Variants in DEPTOR observed in about 807,000 individuals in gnomAD.
The protein encoded by DEPTOR is DEP domain containing MTOR interacting protein, also known as DEP domain-containing mTOR-interacting protein.
In DEPTOR, 41 loss-of-function variants were observed where a neutral mutation model predicts 41.6. The ratio of observed to expected loss-of-function variants is 0.98; its 90% confidence interval spans 0.77 to 1.28. The LOEUF (loss-of-function observed/expected upper bound fraction) is 1.28, where lower values mean the gene tolerates loss of function less well. DEPTOR is among the 50% of genes most tolerant of loss of function. DEPTOR has a pLI of 0.00. For synonymous variants in DEPTOR, 195 were observed against 192.3 expected, an observed-to-expected ratio of 1.01 and a Z score of -0.12; for missense variants, 514 against 527.9, an observed-to-expected ratio of 0.97 and a Z score of 0.26.
At chr8:120,000,635 G>C (rs1174765616) in intron 4 of DEPTOR, among the ~76,000 whole-genome samples, 1 of 151,734 alleles carries the variant, frequency 6.6e-6, no homozygotes, top group Non-Finnish European at 1.5e-5. Flanking sequence ...GCGAATTATT[G>C]TATTTTTAGT....
At chr8:119,930,164 A>G (rs1446878500) in intron 3 of DEPTOR, among the ~76,000 whole-genome samples, 1 of 152,296 alleles carries the variant, frequency 6.6e-6, no homozygotes, top group Non-Finnish European at 1.5e-5. Context: ...TATTTTCTGT[A>G]TTTAAGTTGA....
At chr8:120,029,676 G>A (rs1054728175) in intron 8 of DEPTOR, among the ~76,000 whole-genome samples, 3 of 152,120 alleles carry the variant, frequency 2.0e-5, no homozygotes, top group African/African-American at 2.4e-5. Flanking sequence ...GATTACAGGC[G>A]TGAGCCACCG....
At chr8:120,001,438 C>T (rs979779263) in intron 4 of DEPTOR, 87 bp from the exon 5 acceptor site, 22 of 1,209,474 alleles carry the variant, frequency 1.8e-5, no homozygotes, top group East Asian at 2.5e-5. Context: ...AGACTTTTGC[C>T]GCTGTTGCCT....
chr8:119,999,535 G>A (rs1217308209), intron 4 of DEPTOR, among the ~76,000 whole-genome samples: 4 of 151,944 alleles, frequency 2.6e-5, no homozygotes, highest in African/African-American at 9.6e-5. Context: ...GAGGCAGGAG[G>A]ATCACTTGAG....
At chr8:119,938,887 CTCTCTT>C (rs557805216) in intron 3 of DEPTOR, among the ~76,000 whole-genome samples, 1 of 146,210 alleles carries the variant, frequency 6.8e-6, no homozygotes, top group African/African-American at 2.5e-5. Flanking sequence ...TCCCCTCTCT[CTCTCTT>C]TCTCTTTCTC....
At chr8:120,047,064 C>A (rs192950774) in intron 8 of DEPTOR, among the ~76,000 whole-genome samples, 59 of 152,228 alleles carry the variant, frequency 3.9e-4, no homozygotes, top group African/African-American at 1.3e-3. Context: ...TGCTTTGTTG[C>A]CCAGGCTAGA....
At chr8:120,038,936 T>G (rs1813019029) in intron 8 of DEPTOR, among the ~76,000 whole-genome samples, 1 of 152,242 alleles carries the variant, frequency 6.6e-6, no homozygotes, top group African/African-American at 2.4e-5. Context: ...TGGAAAATTG[T>G]TAGATGTTCT....
intron 8 of DEPTOR, among the ~76,000 whole-genome samples, chr8:120,040,674 A>G (rs1329530311): frequency 6.6e-6 from 1 of 152,224 alleles, no homozygotes. Flanking sequence ...CCAAAAATGC[A>G]TAGCTAGAAC....
intron 3 of DEPTOR, among the ~76,000 whole-genome samples, chr8:119,953,757 G>A (rs1828383145): frequency 6.6e-6 from 1 of 151,702 alleles, no homozygotes; most frequent in Non-Finnish European, 1.5e-5. Flanking sequence ...CTCTGGAATG[G>A]GGGTCTTATG....
intron 1 of DEPTOR, among the ~76,000 whole-genome samples, chr8:119,919,492 A>G (rs1372001381): frequency 6.6e-6 from 1 of 152,216 alleles, no homozygotes; most frequent in Admixed American, 6.5e-5. Context: ...ATAATTTAAA[A>G]TCTGAATTAG....
chr8:119,884,031 C>G (rs1050003058), intron 1 of DEPTOR, among the ~76,000 whole-genome samples: 1 of 152,200 alleles, frequency 6.6e-6, no homozygotes, highest in Non-Finnish European at 1.5e-5. Flanking sequence ...GCCATTCTCT[C>G]ATTGCATGCC....
rs150669778 is a variant in DEPTOR at position 119,919,370 on chromosome 8, C to T, written c.123-9030C>T. ...GCTTCAGCAATGATCAGTTCATTGC[C>T]AGTTAACCCAGCTTTAATAATTGTC... On this transcript the variant is annotated intron_variant, in intron 1 of 8. Transcript: ENST00000286234. 2.5e-3 allele frequency among the ~76,000 whole-genome samples: 385 copies of T among 152,120 alleles called. 3 individuals are homozygous for T. Among genetic ancestry groups the T allele is most frequent in the African/African-American group, 8.6e-3 (355 of 41,494 alleles).
chr8:119,959,158 CTT>C (rs60202859), intron 3 of DEPTOR, among the ~76,000 whole-genome samples: 4 of 114,870 alleles, frequency 3.5e-5, no homozygotes, highest in African/African-American at 3.4e-5. Context: ...TTCTTTCTTT[CTT>C]TTTTTTTTTT....
chr8:120,019,315 T>G (rs1586660407), intron 8 of DEPTOR, among the ~76,000 whole-genome samples: 1 of 151,926 alleles, frequency 6.6e-6, no homozygotes. Context: ...AAATAAAAAA[T>G]AAAATAAAAT....
chr8:119,885,141 T>C (rs995060946), intron 1 of DEPTOR, among the ~76,000 whole-genome samples: 39 of 152,106 alleles, frequency 2.6e-4, no homozygotes, highest in African/African-American at 9.2e-4. Flanking sequence ...TGGGGTAACC[T>C]TGGACCCTCT....
chr8:119,918,064 C>T (rs1014658703), intron 1 of DEPTOR, among the ~76,000 whole-genome samples: 1 of 152,316 alleles, frequency 6.6e-6, no homozygotes. Flanking sequence ...TCCCCCTCTC[C>T]GAGGAACACC....
chr8:120,049,664 G>A lies in DEPTOR; in HGVS notation c.1190G>A (p.Arg397Gln), dbSNP rs200382706. Residue 397 changes from arginine to glutamine, a missense_variant, in exon 9 of 9, where the codon CGG (arginine) becomes CAG (glutamine). Transcript: ENST00000286234. Reference protein sequence around the residue: ...TVSNLILTGPRTIVMEVMEEL... With the variant: ...TVSNLILTGPQTIVMEVMEEL... ...AGCAATCTGATTCTGACGGGCCCACGGACGATTGTCATGGAAGTCATGGAG... is the reference window on the plus strand; with the variant it reads ...AGCAATCTGATTCTGACGGGCCCACAGACGATTGTCATGGAAGTCATGGAG... 1.1e-4 allele frequency: 170 copies of A among 1,613,798 alleles called. No individual in the cohort carries two copies. The highest frequency in any genetic ancestry group is 1.3e-4 in the Non-Finnish European group (155 of 1,179,900).
chr8:119,975,179 C>T (rs1443033037), intron 4 of DEPTOR, among the ~76,000 whole-genome samples: 2 of 151,826 alleles, frequency 1.3e-5, no homozygotes, highest in African/African-American at 2.4e-5. Context: ...AAGGACATTT[C>T]CTTTACAGAT....
chr8:119,950,957 C>T (rs1586629443), intron 3 of DEPTOR, among the ~76,000 whole-genome samples: 1 of 152,142 alleles, frequency 6.6e-6, no homozygotes, highest in East Asian at 1.9e-4. Context: ...CCTATAACTC[C>T]AGCACTTTGG....
Sources: allele counts gnomAD v4.1 joint callset (sites outside exome capture counted in the v4.1 genomes callset), GRCh38; gene constraint gnomAD v4.1.1; transcripts MANE v1.5; gene names NCBI Gene and HGNC (gene_info 2026-07-23, HGNC 2026-07-21).